The following CACNA2D1 variants were observed in gnomAD, a reference collection of about 807,000 sequenced individuals.
The protein encoded by CACNA2D1 is voltage-dependent calcium channel subunit alpha-2/delta-1.
CACNA2D1 carries 53 observed loss-of-function variants against 171.5 expected under a neutral mutation model. That is an observed-to-expected ratio of 0.31 (90% CI 0.25 to 0.39). The LOEUF (loss-of-function observed/expected upper bound fraction) is 0.39. Ranked by LOEUF, CACNA2D1 falls within the 10% of genes least tolerant of loss-of-function variation. CACNA2D1 has a pLI of 1.00. For synonymous variants in CACNA2D1, 442 were observed against 443.1 expected, an observed-to-expected ratio of 1.00 and a Z score of 0.03; for missense variants, 903 against 1,299.8, an observed-to-expected ratio of 0.69 and a Z score of 4.69.
chr7:82,282,079 T>G (rs1405881896), intron 3 of CACNA2D1, among the ~76,000 whole-genome samples: 1 of 152,066 alleles, frequency 6.6e-6, no homozygotes, highest in Non-Finnish European at 1.5e-5. Context: ...GGTGGAACAC[T>G]TGAGGTCAGA....
At chr7:82,308,649 C>G (rs1814042544) in intron 3 of CACNA2D1, among the ~76,000 whole-genome samples, 1 of 152,212 alleles carries the variant, frequency 6.6e-6, no homozygotes. Context: ...GGGAATCTCC[C>G]TCTCTACACC....
At chr7:81,954,490 A>G (rs1395157851) in intron 38 of CACNA2D1, among the ~76,000 whole-genome samples, 1 of 152,030 alleles carries the variant, frequency 6.6e-6, no homozygotes, top group Non-Finnish European at 1.5e-5. Context: ...AGTTTTCTTC[A>G]TACAGCATGC....
intron 3 of CACNA2D1, among the ~76,000 whole-genome samples, chr7:82,184,753 A>G (rs1797490313): frequency 6.6e-6 from 1 of 152,208 alleles, no homozygotes; most frequent in Admixed American, 6.5e-5. Context: ...ATTAAGAATA[A>G]TGATGGTTAA....
intron 1 of CACNA2D1, among the ~76,000 whole-genome samples, chr7:82,432,660 G>C (rs1277213589): frequency 6.6e-6 from 1 of 152,090 alleles, no homozygotes; most frequent in African/African-American, 2.4e-5. Context: ...TAATCTTCTA[G>C]AGTTTACTGT....
intron 4 of CACNA2D1, among the ~76,000 whole-genome samples, chr7:82,144,194 T>G (rs1216552649): frequency 6.6e-6 from 1 of 152,122 alleles, no homozygotes; most frequent in African/African-American, 2.4e-5. Flanking sequence ...TCATTTTTTT[T>G]TCTTAAGCTA....
chr7:81,994,615 T>C (rs1160620021), intron 20 of CACNA2D1, among the ~76,000 whole-genome samples: 1 of 152,020 alleles, frequency 6.6e-6, no homozygotes, highest in Admixed American at 6.6e-5. Flanking sequence ...TTCAAGAATA[T>C]ACTGTTAATG....
chr7:82,400,051 A>G (rs1826191195), intron 1 of CACNA2D1, among the ~76,000 whole-genome samples: 1 of 151,328 alleles, frequency 6.6e-6, no homozygotes, highest in Non-Finnish European at 1.5e-5. Context: ...GTTCTGTTCC[A>G]TTGATCTATA....
At chr7:82,427,207 G>C (rs1829275248) in intron 1 of CACNA2D1, among the ~76,000 whole-genome samples, 1 of 152,100 alleles carries the variant, frequency 6.6e-6, no homozygotes, top group African/African-American at 2.4e-5. Context: ...TTGGATGGTA[G>C]CAAAATGTTT....
intron 3 of CACNA2D1, among the ~76,000 whole-genome samples, chr7:82,209,387 C>G (rs1800330114): frequency 6.6e-6 from 1 of 152,084 alleles, no homozygotes; most frequent in Non-Finnish European, 1.5e-5. Flanking sequence ...CTAAGAATTC[C>G]CAAGTGTGCA....
intron 1 of CACNA2D1, chr7:82,410,620 G>A (rs1017712142): frequency 3.7e-6 from 2 of 546,134 alleles, no homozygotes; most frequent in African/African-American, 2.1e-5. Context: ...GACTGCAAGA[G>A]AGAAGGCGAG....
At chr7:82,117,194 C>A (rs1324999524) in intron 5 of CACNA2D1, 21 bp from the exon 6 acceptor site, 2 of 1,610,940 alleles carry the variant, frequency 1.2e-6, no homozygotes, top group African/African-American at 2.7e-5. Flanking sequence ...AAAGAATAAA[C>A]AGAATATTAC....
At chr7:82,266,055 T>A (rs1807801329) in intron 3 of CACNA2D1, among the ~76,000 whole-genome samples, 1 of 152,204 alleles carries the variant, frequency 6.6e-6, no homozygotes, top group East Asian at 1.9e-4. Context: ...TGCATCTTTA[T>A]AATGTACCAT....
At chr7:82,357,757 C>T (rs1003584638) in intron 1 of CACNA2D1, among the ~76,000 whole-genome samples, 11 of 149,842 alleles carry the variant, frequency 7.3e-5, no homozygotes, top group South Asian at 6.4e-4. Context: ...ATATACCTAA[C>T]GCTAAATGAC....
chr7:82,400,056 T>C (rs923127651), intron 1 of CACNA2D1, among the ~76,000 whole-genome samples: 2 of 151,526 alleles, frequency 1.3e-5, no homozygotes, highest in African/African-American at 4.9e-5. Context: ...GTTCCATTGA[T>C]CTATATCTCT....
intron 18 of CACNA2D1, among the ~76,000 whole-genome samples, chr7:82,004,336 G>A (rs1371854274): frequency 6.6e-6 from 1 of 151,936 alleles, no homozygotes; most frequent in African/African-American, 2.4e-5. Context: ...TAACTAGGGT[G>A]ATCAACAGCT....
At chr7:82,137,661 G>GGAGATCGA (rs1791798608) in intron 4 of CACNA2D1, among the ~76,000 whole-genome samples, 1 of 145,038 alleles carries the variant, frequency 6.9e-6, no homozygotes, top group South Asian at 2.2e-4. Context: ...CATGAGGTCA[G>GGAGATCGA]GAGATCGAGA....
intron 4 of CACNA2D1, among the ~76,000 whole-genome samples, chr7:82,164,879 A>AGCC (rs1795280813): frequency 6.6e-6 from 1 of 151,998 alleles, no homozygotes; most frequent in Non-Finnish European, 1.5e-5. Context: ...AATGCAAATA[A>AGCC]GCAGTATACA....
intron 3 of CACNA2D1, among the ~76,000 whole-genome samples, chr7:82,303,687 C>T (rs946866390): frequency 6.6e-6 from 1 of 152,040 alleles, no homozygotes; most frequent in Non-Finnish European, 1.5e-5. Context: ...AACTGGGCCC[C>T]TATCTTTCAC....
At chr7:81,961,829 A>G in intron 36 of CACNA2D1, 65 bp downstream of exon 36, 2 of 945,398 alleles carry the variant, frequency 2.1e-6, no homozygotes, top group Non-Finnish European at 3.3e-6. Context: ...ACAATTTCTT[A>G]ATGATTATAA....
Sources: allele counts gnomAD v4.1 joint callset (sites outside exome capture counted in the v4.1 genomes callset), GRCh38; gene constraint gnomAD v4.1.1; transcripts MANE v1.5; gene names NCBI Gene and HGNC (gene_info 2026-07-23, HGNC 2026-07-21).